Variants in FHOD3 observed in about 807,000 individuals in gnomAD.
FHOD3 encodes FH1/FH2 domain-containing protein 3.
Under a neutral mutation model 173.0 loss-of-function variants are expected in FHOD3, and 90 were observed. That is an observed-to-expected ratio of 0.52 (90% CI 0.44 to 0.62). The LOEUF (loss-of-function observed/expected upper bound fraction) is 0.62. Among genes scored for constraint, FHOD3 ranks in the 20% least tolerant of loss-of-function variants. FHOD3 has a pLI of 0.00. For synonymous variants in FHOD3, 828 were observed against 823.0 expected (o/e 1.01, Z -0.10); for missense variants, 1,945 against 2,034.7 (o/e 0.96, Z 0.85).
chr18:36,321,492 G>T (rs2044390282), intron 1 of FHOD3, among the ~76,000 whole-genome samples: 2 of 152,188 alleles, frequency 1.3e-5, no homozygotes, highest in South Asian at 4.1e-4. Flanking sequence ...TTCTCTCCTG[G>T]CTTGGAGCTT....
chr18:36,506,906 G>A (rs1464023167), intron 4 of FHOD3, among the ~76,000 whole-genome samples: 2 of 152,132 alleles, frequency 1.3e-5, no homozygotes, highest in Non-Finnish European at 2.9e-5. Context: ...TAGAGGACTC[G>A]CTTCTGGACC....
At chr18:36,662,747 A>G (rs1278518440) in intron 14 of FHOD3, among the ~76,000 whole-genome samples, 2 of 152,282 alleles carry the variant, frequency 1.3e-5, no homozygotes, top group Non-Finnish European at 2.9e-5. Flanking sequence ...CCTCTTAACA[A>G]TGTTTAAGTG....
intron 3 of FHOD3, among the ~76,000 whole-genome samples, chr18:36,417,412 T>G (rs1299358221): frequency 1.3e-5 from 2 of 152,224 alleles, no homozygotes; most frequent in Non-Finnish European, 2.9e-5. Flanking sequence ...TTCTTTATTA[T>G]GGCTGCATGG....
chr18:36,497,358 C>CT (rs1016938623), intron 3 of FHOD3, among the ~76,000 whole-genome samples: 5 of 152,170 alleles, frequency 3.3e-5, no homozygotes, highest in African/African-American at 1.2e-4. Flanking sequence ...CAGAACCTGC[C>CT]TGAGGTCTTT....
intron 5 of FHOD3, among the ~76,000 whole-genome samples, chr18:36,565,672 T>G: frequency 6.6e-6 from 1 of 152,344 alleles, no homozygotes; most frequent in Non-Finnish European, 1.5e-5. Flanking sequence ...AAATAGGAAT[T>G]ATTTCCAGTC....
At chr18:36,707,053 G>A (rs1477615132) in intron 17 of FHOD3, among the ~76,000 whole-genome samples, 1 of 152,144 alleles carries the variant, frequency 6.6e-6, no homozygotes, top group African/African-American at 2.4e-5. Context: ...GTTTCTAAAA[G>A]GCCTGTTCAC....
chr18:36,724,227 G>A (rs1480613305), intron 19 of FHOD3, among the ~76,000 whole-genome samples: 1 of 152,232 alleles, frequency 6.6e-6, no homozygotes, highest in Non-Finnish European at 1.5e-5. Context: ...GGGTAGACTT[G>A]TGGCTCTGCA....
intron 3 of FHOD3, among the ~76,000 whole-genome samples, chr18:36,425,312 G>A (rs1226448555): frequency 1.3e-5 from 2 of 152,148 alleles, no homozygotes; most frequent in Non-Finnish European, 2.9e-5. Context: ...GGCATCTACT[G>A]GAGGTCTTGG....
intron 28 of FHOD3, among the ~76,000 whole-genome samples, chr18:36,772,911 C>G (rs540164485): frequency 6.6e-6 from 1 of 152,318 alleles, no homozygotes; most frequent in African/African-American, 2.4e-5. Context: ...GATGGACTGG[C>G]CCCTCCTGTA....
At chr18:36,646,526 A>G (rs899006604) in intron 10 of FHOD3, among the ~76,000 whole-genome samples, 1 of 152,228 alleles carries the variant, frequency 6.6e-6, no homozygotes, top group Non-Finnish European at 1.5e-5. Context: ...GAAAAAGTCC[A>G]GAAATCTACA....
At chr18:36,682,176 G>A (rs1014941359) in intron 15 of FHOD3, among the ~76,000 whole-genome samples, 7 of 151,850 alleles carry the variant, frequency 4.6e-5, no homozygotes, top group Admixed American at 6.6e-5. Flanking sequence ...AGTGTGCCTC[G>A]GCTTCTCCTT....
intron 3 of FHOD3, among the ~76,000 whole-genome samples, chr18:36,450,479 A>AT (rs540491103): frequency 0.01 from 1,254 of 121,132 alleles, 13 homozygotes; most frequent in African/African-American, 0.054. Context: ...TTATTTATTT[A>AT]TTTATTTAAT....
intron 6 of FHOD3, 107 bp from the exon 7 acceptor site, chr18:36,594,680 G>A (rs188152955): frequency 3.0e-6 from 2 of 669,612 alleles, no homozygotes; most frequent in Admixed American, 2.6e-5. Context: ...TAATTGCTGA[G>A]AGCGTCTCAT....
intron 3 of FHOD3, among the ~76,000 whole-genome samples, chr18:36,381,417 T>A (rs2047780892): frequency 6.6e-6 from 1 of 152,148 alleles, no homozygotes; most frequent in African/African-American, 2.4e-5. Context: ...TGGACACTGG[T>A]CTCTTGTTCT....
intron 27 of FHOD3, among the ~76,000 whole-genome samples, chr18:36,761,828 C>T (rs1040801547): frequency 6.6e-6 from 1 of 152,070 alleles, no homozygotes; most frequent in Non-Finnish European, 1.5e-5. Flanking sequence ...TAGAAGAAAC[C>T]ATATAATCTT....
intron 10 of FHOD3, among the ~76,000 whole-genome samples, chr18:36,646,956 G>A (rs537575228): frequency 9.1e-4 from 138 of 152,312 alleles, no homozygotes; most frequent in African/African-American, 3.2e-3. Context: ...CACTTCTTCG[G>A]CCGGGTGCGG....
intron 5 of FHOD3, among the ~76,000 whole-genome samples, chr18:36,532,341 C>A (rs532638030): frequency 1.2e-4 from 19 of 152,326 alleles, no homozygotes; most frequent in Non-Finnish European, 2.5e-4. Context: ...ATACGCTCCT[C>A]TTCCCTGGCC....
At chr18:36,565,770 A>G (rs1021138734) in intron 5 of FHOD3, among the ~76,000 whole-genome samples, 1 of 152,200 alleles carries the variant, frequency 6.6e-6, no homozygotes, top group African/African-American at 2.4e-5. Context: ...TGAAGTGAAG[A>G]GTGGGAAGAC....
At chr18:36,399,505 C>T (rs1418125505) in intron 3 of FHOD3, among the ~76,000 whole-genome samples, 1 of 152,172 alleles carries the variant, frequency 6.6e-6, no homozygotes, top group Non-Finnish European at 1.5e-5. Flanking sequence ...AGCAGTCTGT[C>T]TTTGAGGTCC....
Sources: allele counts gnomAD v4.1 joint callset (sites outside exome capture counted in the v4.1 genomes callset), GRCh38; gene constraint gnomAD v4.1.1; transcripts MANE v1.5; gene names NCBI Gene and HGNC (gene_info 2026-07-23, HGNC 2026-07-21).